Variants in ZNF827 observed in about 807,000 individuals in gnomAD.
ZNF827 encodes the protein zinc finger protein 827.
In ZNF827, 13 loss-of-function variants were observed where a neutral mutation model predicts 102.4. The observed-to-expected ratio is 0.13, with a 90% CI of 0.08 to 0.20. ZNF827 has a LOEUF of 0.20. Among genes scored for constraint, ZNF827 ranks in the 10% least tolerant of loss-of-function variants. The pLI is 1.00. For synonymous variants in ZNF827, 523 were observed against 536.2 expected (o/e 0.98, Z 0.34); for missense variants, 1,103 against 1,344.4 (o/e 0.82, Z 2.81).
intron 5 of ZNF827, among the ~76,000 whole-genome samples, chr4:145,850,262 G>T (rs1048477469): frequency 6.6e-6 from 1 of 151,988 alleles, no homozygotes; most frequent in African/African-American, 2.4e-5. Flanking sequence ...TGCCCACTTC[G>T]GCCTCCAAAA....
intron 10 of ZNF827, among the ~76,000 whole-genome samples, chr4:145,775,416 T>C (rs557140889): frequency 6.6e-6 from 1 of 152,124 alleles, no homozygotes; most frequent in South Asian, 2.1e-4. Context: ...CTCAGATTTA[T>C]ATTTCCTCAG....
At chr4:145,914,799 C>A (rs1382378376) in intron 1 of ZNF827, among the ~76,000 whole-genome samples, 4 of 152,208 alleles carry the variant, frequency 2.6e-5, no homozygotes, top group Non-Finnish European at 5.9e-5. Context: ...TCTTCTCAGG[C>A]ATTCCTCAGG....
chr4:145,805,096 C>A lies in ZNF827; in HGVS notation c.2383+18326G>T, dbSNP rs148700178. On this transcript the variant is annotated intron_variant, in intron 8 of 14. Transcript: ENST00000508784. ...GAATTCATAGTTCCCTGACACGTCT[C>A]TTTATAAATAATGCCGGAGCAATTC... Among the ~76,000 whole-genome samples the A allele has an allele frequency of 6.6e-3, 998 of 151,042 alleles. 14 individuals are homozygous for A. Among genetic ancestry groups the A allele is most frequent in the African/African-American group, 0.023 (961 of 41,092 alleles).
rs755509501 is a variant in ZNF827 at position 145,765,500 on chromosome 4, T to C, written c.3052+47A>G. On this transcript the variant is annotated intron_variant, in intron 12 of 14. Coordinates refer to ENST00000508784, the MANE Select transcript of ZNF827 (RefSeq NM_001306215.2). This position sits in a 1 kb window ranked among gnomAD's most constrained non-coding sequence, Gnocchi z 4.7. ...AGGGCTTATTCTCAAGAATGGGTCA[T>C]CCTGGGTGCGGAGGGTTGAGCAGGC... The C allele has an allele frequency of 1.6e-4, 257 of 1,558,454 alleles. 3 individuals carry two copies. The South Asian group carries it at 2.9e-3, about 18-fold the overall frequency.
At chr4:145,818,629 T>C (rs958363545) in intron 8 of ZNF827, among the ~76,000 whole-genome samples, 4 of 152,180 alleles carry the variant, frequency 2.6e-5, no homozygotes, top group Non-Finnish European at 5.9e-5. Flanking sequence ...CTGAAGAAAA[T>C]AGTTTGCTAT....
At chr4:145,841,116 C>T (rs139168628) in intron 7 of ZNF827, among the ~76,000 whole-genome samples, 73 of 152,278 alleles carry the variant, frequency 4.8e-4, no homozygotes, top group African/African-American at 1.5e-3. Context: ...TTTTATACCC[C>T]CATGGACACT....
rs374572235 is a variant in ZNF827, at chr4:145,885,876, C to T, written c.1549G>A (p.Val517Ile). The T allele has an allele frequency of 1.5e-5, 25 of 1,614,126 alleles. No homozygotes were observed. The highest frequency in any genetic ancestry group is 6.7e-5 in the African/African-American group (5 of 74,938). ...PERTSQGGAG[V>I]SPLLVKEEPK... ...TCCTCCTTCACCAGCAAAGGCGAGA[C>T]GCCAGCCCCTCCCTGGCTAGTCCTC... The change falls in exon 4 of 15, where the codon GTC becomes ATC. Residue 517 changes from valine to isoleucine, a missense_variant. Around this residue, in one of 5 missense-constraint regions of ZNF827, gnomAD observed 157 missense variants for 211.7 expected, o/e 0.74. Coordinates refer to ENST00000508784, the MANE Select transcript of ZNF827 (RefSeq NM_001306215.2).
At chr4:145,794,116 C>T (rs1170597332) in intron 8 of ZNF827, among the ~76,000 whole-genome samples, 4 of 152,180 alleles carry the variant, frequency 2.6e-5, no homozygotes, top group African/African-American at 9.7e-5. Flanking sequence ...ACAGATGTCA[C>T]CATGAGAATC....
At chr4:145,831,324 A>C (rs750512098) in intron 7 of ZNF827, 10 of 152,222 alleles carry the variant, frequency 6.6e-5, no homozygotes, top group Non-Finnish European at 1.5e-4. Flanking sequence ...TCGGTCATTG[A>C]TCATGTTGGG....
chr4:145,781,211 A>G (rs1183147614), intron 8 of ZNF827, among the ~76,000 whole-genome samples: 27 of 126,748 alleles, frequency 2.1e-4, no homozygotes, highest in African/African-American at 8.1e-4. Flanking sequence ...AAAAAAAAAA[A>G]AAAAAAGAAA....
Position 145,766,487 on chromosome 4 carries a change from T to G in ZNF827, c.2861-749A>C, listed in dbSNP as rs1579086081. ...CCATATGACTGATCAGTTTCCTGCCTTGAGACTCTCCAGGCTTCATTGCAG... is the reference window on the plus strand; with the variant it reads ...CCATATGACTGATCAGTTTCCTGCCGTGAGACTCTCCAGGCTTCATTGCAG... On this transcript the variant is annotated intron_variant, in intron 11 of 14. Transcript: ENST00000508784. Among the ~76,000 whole-genome samples, 3 of 152,328 alleles carry G rather than the reference T, an allele frequency of 2.0e-5. No individual in the cohort carries two copies. In the East Asian group the frequency reaches 5.8e-4, roughly 29 times the overall value.
intron 4 of ZNF827, among the ~76,000 whole-genome samples, chr4:145,874,351 G>A (rs1441115885): frequency 6.6e-6 from 1 of 152,162 alleles, no homozygotes. Context: ...TATAGCTAAT[G>A]ACATATCAGA....
At chr4:145,840,493 G>A (rs75132718) in intron 7 of ZNF827, among the ~76,000 whole-genome samples, 34 of 152,300 alleles carry the variant, frequency 2.2e-4, no homozygotes, top group African/African-American at 8.2e-4. Context: ...GAAATTAGTA[G>A]CAATTTCCAT....
At chr4:145,929,473 AC>A (rs1753653854) in intron 1 of ZNF827, among the ~76,000 whole-genome samples, 1 of 152,204 alleles carries the variant, frequency 6.6e-6, no homozygotes. Flanking sequence ...TTATTACACA[AC>A]TTAGATATAA....
Position 145,763,134 on chromosome 4 carries a change from GA to G in ZNF827, c.3231-13del. 6.5e-7 allele frequency: 1 copy of G among 1,536,024 alleles called. No homozygotes were observed. The highest frequency in any genetic ancestry group is 2.4e-5 in the East Asian group (1 of 40,928). On this transcript the variant is annotated splice_polypyrimidine_tract_variant and intron_variant, in intron 13 of 14. Coordinates refer to ENST00000508784, the MANE Select transcript of ZNF827 (RefSeq NM_001306215.2). The surrounding 1 kb of genome is among the most constrained non-coding windows in gnomAD (Gnocchi z 4.6). Reference sequence around the variant, plus strand: ...ACCACTGTCCTGAGCTACGGCAAAAGAAAAATAATAGTATAATCTTATTTGA... The same window carrying G: ...ACCACTGTCCTGAGCTACGGCAAAAGAAAATAATAGTATAATCTTATTTGA...
chr4:145,872,894 C>G (rs1579438616), intron 4 of ZNF827, among the ~76,000 whole-genome samples: 1 of 149,188 alleles, frequency 6.7e-6, no homozygotes, highest in Non-Finnish European at 1.5e-5. Context: ...AAAACAAAAA[C>G]AAAAACAAAA....
At chr4:145,829,909 A>G (rs1041891915) in intron 7 of ZNF827, among the ~76,000 whole-genome samples, 3 of 152,256 alleles carry the variant, frequency 2.0e-5, no homozygotes, top group African/African-American at 7.2e-5. Flanking sequence ...TGACCTTTGA[A>G]TCACTTAGAC....
rs761138588 is a variant in ZNF827, at chr4:145,938,443, T to G, written c.-36A>C. On this transcript the variant is annotated 5_prime_UTR_variant, in exon 1 of 15. Coordinates refer to ENST00000508784, the MANE Select transcript of ZNF827 (RefSeq NM_001306215.2). Reference sequence around the variant, plus strand: ...TTCTCACATTCTCCTCCTTGGTTAATGTGAGATCAAATAAACCCCCGTGGG... The same window carrying G: ...TTCTCACATTCTCCTCCTTGGTTAAGGTGAGATCAAATAAACCCCCGTGGG... 3 of 1,470,490 alleles carry G rather than the reference T, an allele frequency of 2.0e-6. No individual in the cohort carries two copies. In the Admixed American group the frequency reaches 5.6e-5, roughly 27 times the overall value. 91.1% of individuals were successfully genotyped at this position (1,470,490 alleles called of 1,614,324 possible).
rs997617681 is a variant in ZNF827 at position 145,928,529 on chromosome 4, T to C, written c.43+9836A>G. Among the ~76,000 whole-genome samples, 3 of 152,300 alleles carry C rather than the reference T, an allele frequency of 2.0e-5. No homozygotes were observed. The East Asian group carries it at 5.8e-4, about 29-fold the overall frequency. On this transcript the variant is annotated intron_variant, in intron 1 of 14. Coordinates refer to ENST00000508784, the MANE Select transcript of ZNF827 (RefSeq NM_001306215.2). ...ATATGGCCAGCATTTACTGTGCACA[T>C]ACCCTATGCCAGACACAAATCTAAA...
Sources: allele counts gnomAD v4.1 joint callset (sites outside exome capture counted in the v4.1 genomes callset), GRCh38; gene constraint gnomAD v4.1.1; regional missense constraint gnomAD v4.1.1; non-coding constraint Gnocchi (gnomAD v3.1); transcripts MANE v1.5; gene names NCBI Gene and HGNC (gene_info 2026-07-23, HGNC 2026-07-21).